Variants in SMCHD1 observed in about 807,000 individuals in gnomAD.
SMCHD1 encodes the protein structural maintenance of chromosomes flexible hinge domain-containing protein 1.
SMCHD1 carries 78 observed loss-of-function variants against 254.7 expected under a neutral mutation model. That is an observed-to-expected ratio of 0.31 (90% confidence interval 0.26 to 0.37). The LOEUF (loss-of-function observed/expected upper bound fraction) is 0.37, where lower values mean the gene tolerates loss of function less well. Among genes scored for constraint, SMCHD1 ranks in the 10% least tolerant of loss-of-function variants. The pLI is 1.00. For synonymous variants in SMCHD1, 766 were observed against 794.9 expected (o/e 0.96, Z 0.61); for missense variants, 1,840 against 2,408.1 (o/e 0.76, Z 4.94).
In SMCHD1 at chr18:2,772,395, G is replaced by A. The variant is rs750207262; in HGVS notation, c.5175+23G>A. The A allele has an allele frequency of 2.6e-5, 40 of 1,521,586 alleles. No homozygotes were observed. In the Admixed American group the frequency reaches 6.7e-4, roughly 26 times the overall value. The allele number at this position is 1,521,586 out of a possible 1,614,324, so 94.3% of individuals were successfully genotyped here. Reference sequence around the variant, plus strand: ...AAGGTTTGTGTTTATTAAGCCTTTTGAAAGGCAGTACATTTTATTATCTTG... The same window carrying A: ...AAGGTTTGTGTTTATTAAGCCTTTTAAAAGGCAGTACATTTTATTATCTTG... On this transcript the variant is annotated intron_variant, in intron 41 of 47. Coordinates refer to ENST00000320876, the MANE Select transcript of SMCHD1 (RefSeq NM_015295.3).
chr18:2,795,116 C>T (rs1320857965), intron 45 of SMCHD1, among the ~76,000 whole-genome samples: 7 of 151,880 alleles, frequency 4.6e-5, no homozygotes, highest in African/African-American at 1.4e-4. Flanking sequence ...CTGAATGGCG[C>T]AATCTCAGCT....
chr18:2,697,529 C>T (rs1035967584), intron 9 of SMCHD1, among the ~76,000 whole-genome samples: 2 of 152,200 alleles, frequency 1.3e-5, no homozygotes, highest in Non-Finnish European at 2.9e-5. Context: ...ATTTCACATA[C>T]GATGTTGTCC....
At chr18:2,678,529 T>C (rs2073828740) in intron 5 of SMCHD1, among the ~76,000 whole-genome samples, 1 of 151,984 alleles carries the variant, frequency 6.6e-6, no homozygotes, top group African/African-American at 2.4e-5. Context: ...GTTGGCCAGG[T>C]TGGTCTCGAA....
chr18:2,730,522 C>G (rs2075118205), intron 24 of SMCHD1, among the ~76,000 whole-genome samples: 1 of 152,134 alleles, frequency 6.6e-6, no homozygotes, highest in Non-Finnish European at 1.5e-5. Context: ...ATTGGTGATT[C>G]ATCGTGGCTG....
intron 25 of SMCHD1, among the ~76,000 whole-genome samples, chr18:2,736,303 T>A (rs980318950): frequency 1.3e-4 from 20 of 152,240 alleles, no homozygotes; most frequent in African/African-American, 4.6e-4. Context: ...ACCATAAAAA[T>A]TCTAGAAGAA....
chr18:2,784,654 T>C (rs2076210588), intron 45 of SMCHD1, 33 bp downstream of exon 45: 1 of 1,515,210 alleles, frequency 6.6e-7, no homozygotes, highest in Non-Finnish European at 8.8e-7. Flanking sequence ...TAGCAATTTC[T>C]AATTTAATTT....
At chr18:2,716,369 C>G (rs1664719859) in intron 17 of SMCHD1, among the ~76,000 whole-genome samples, 1 of 152,146 alleles carries the variant, frequency 6.6e-6, no homozygotes, top group Non-Finnish European at 1.5e-5. Context: ...GAAGGTTGGC[C>G]TCCTGTCCGG....
At chr18:2,792,109 T>C (rs903005445) in intron 45 of SMCHD1, among the ~76,000 whole-genome samples, 5 of 152,212 alleles carry the variant, frequency 3.3e-5, no homozygotes, top group Non-Finnish European at 7.3e-5. Context: ...CAAAAAGAGT[T>C]CATAGAGTTA....
intron 39 of SMCHD1, among the ~76,000 whole-genome samples, chr18:2,770,835 GGT>G: frequency 1.3e-5 from 2 of 152,150 alleles, no homozygotes; most frequent in Admixed American, 1.3e-4. Context: ...TGGCCGGGCT[GGT>G]CTCGAACTTC....
chr18:2,699,691 A>C (rs965822030), intron 10 of SMCHD1, among the ~76,000 whole-genome samples: 1 of 152,246 alleles, frequency 6.6e-6, no homozygotes, highest in Non-Finnish European at 1.5e-5. Context: ...CTAATAGACA[A>C]AAAGATATAA....
intron 17 of SMCHD1, among the ~76,000 whole-genome samples, chr18:2,714,009 A>G (rs2074740643): frequency 6.6e-6 from 1 of 152,170 alleles, no homozygotes; most frequent in Admixed American, 6.5e-5. Flanking sequence ...GCTTAGGTCC[A>G]TTTGGTCTAA....
In SMCHD1 at chr18:2,769,836, AT is replaced by A. The variant is rs1568350957; in HGVS notation, c.4846+17del. 1 of 1,590,462 alleles carries A rather than the reference AT, an allele frequency of 6.3e-7. No homozygotes were observed. Among genetic ancestry groups the A allele is most frequent in the South Asian group, 1.1e-5 (1 of 88,278 alleles). ...TTTTACAATGGTAAGTTTCTAGGAA[AT>A]AAATGGTTAAACTCCGTTGTTAGTG... On this transcript the variant is annotated intron_variant, in intron 38 of 47. Coordinates refer to ENST00000320876, the MANE Select transcript of SMCHD1 (RefSeq NM_015295.3).
At chr18:2,746,700 A>G (rs1449886522) in intron 29 of SMCHD1, among the ~76,000 whole-genome samples, 4 of 152,242 alleles carry the variant, frequency 2.6e-5, no homozygotes, top group Admixed American at 6.5e-5. Context: ...TAGAAGCAGC[A>G]GAAGGAACTT....
At chr18:2,709,454 G>A (rs2074618180) in intron 17 of SMCHD1, among the ~76,000 whole-genome samples, 1 of 151,900 alleles carries the variant, frequency 6.6e-6, no homozygotes, top group Admixed American at 6.6e-5. Context: ...TTAATTTATT[G>A]AGAAACTGCC....
intron 5 of SMCHD1, among the ~76,000 whole-genome samples, chr18:2,674,428 C>T (rs1035423793): frequency 1.3e-5 from 2 of 152,090 alleles, no homozygotes; most frequent in Non-Finnish European, 2.9e-5. Context: ...TCTGTATAGC[C>T]TCTGTAGCAG....
intron 1 of SMCHD1, among the ~76,000 whole-genome samples, chr18:2,657,904 T>C (rs2073118864): frequency 6.6e-6 from 1 of 151,894 alleles, no homozygotes; most frequent in African/African-American, 2.4e-5. Context: ...CACCTCAGCC[T>C]CCCAAGTAGC....
At position 2,803,468 on chromosome 18, in the gene SMCHD1, TA is replaced by T. The variant is rs1320874184; in HGVS notation, c.*918del. 4 of 152,046 alleles carry T rather than the reference TA, an allele frequency of 2.6e-5. No individual in the cohort carries two copies. Among genetic ancestry groups the T allele is most frequent in the Non-Finnish European group, 4.4e-5 (3 of 67,980 alleles). 9.4% of individuals were successfully genotyped at this position (152,046 alleles called of 1,614,324 possible). A position where few individuals can be genotyped will look rare whatever the true frequency, so the allele number is the denominator to read the frequency against. ...TGTATGTCATATATATGTCTTTGTG[TA>T]AGTTCAAGACTATTGATCTGTGAAG... On this transcript the variant is annotated 3_prime_UTR_variant, in exon 48 of 48. Coordinates refer to ENST00000320876, the MANE Select transcript of SMCHD1 (RefSeq NM_015295.3).
chr18:2,719,257 C>CCTCTCCT (rs1555638451), intron 19 of SMCHD1, among the ~76,000 whole-genome samples: 3 of 150,134 alleles, frequency 2.0e-5, no homozygotes, highest in Non-Finnish European at 4.4e-5. Context: ...TCTCTCCTCT[C>CCTCTCCT]CTCTCCTCTC....
intron 20 of SMCHD1, among the ~76,000 whole-genome samples, chr18:2,724,265 T>C (rs534328769): frequency 8.6e-5 from 13 of 151,704 alleles, no homozygotes; most frequent in Admixed American, 2.0e-4. Context: ...TTACTTTTTT[T>C]CCCTTTCTTT....
Sources: allele counts gnomAD v4.1 joint callset (sites outside exome capture counted in the v4.1 genomes callset), GRCh38; gene constraint gnomAD v4.1.1; transcripts MANE v1.5; gene names NCBI Gene and HGNC (gene_info 2026-07-23, HGNC 2026-07-21).